The following NCOA1 variants were observed in gnomAD, a reference collection of about 807,000 sequenced individuals.
The protein encoded by NCOA1 is Hin-2 protein.
Under a neutral mutation model 150.9 loss-of-function variants are expected in NCOA1, and 35 were observed. The observed-to-expected ratio is 0.23, with a 90% CI of 0.18 to 0.31. NCOA1 has a LOEUF of 0.31. Among genes scored for constraint, NCOA1 ranks in the 10% least tolerant of loss-of-function variants. The pLI is 1.00. For synonymous variants in NCOA1, 590 were observed against 630.0 expected (o/e 0.94, Z 0.95); for missense variants, 1,491 against 1,749.3 (o/e 0.85, Z 2.63).
intron 3 of NCOA1, among the ~76,000 whole-genome samples, chr2:24,631,919 A>G (rs1669727083): frequency 6.6e-6 from 1 of 152,188 alleles, no homozygotes; most frequent in Non-Finnish European, 1.5e-5. Context: ...GGATTCTTAA[A>G]TTCACGAAAA....
intron 3 of NCOA1, among the ~76,000 whole-genome samples, chr2:24,619,418 A>G (rs757647509): frequency 1.4e-4 from 21 of 152,200 alleles, no homozygotes; most frequent in Admixed American, 6.5e-4. Context: ...AGGAGTGATC[A>G]TTTCTCATTG....
intron 11 of NCOA1, among the ~76,000 whole-genome samples, chr2:24,701,325 G>A (rs762090688): frequency 1.3e-5 from 2 of 151,884 alleles, no homozygotes; most frequent in Admixed American, 6.6e-5. Flanking sequence ...GCAACATGGC[G>A]AAACCTCATC....
intron 8 of NCOA1, among the ~76,000 whole-genome samples, chr2:24,686,946 T>C (rs937595036): frequency 1.3e-5 from 2 of 152,156 alleles, no homozygotes; most frequent in Non-Finnish European, 2.9e-5. Context: ...ACTTTTTTTT[T>C]TCACATCTCA....
intron 2 of NCOA1, among the ~76,000 whole-genome samples, chr2:24,582,287 C>G (rs1266034581): frequency 6.6e-6 from 1 of 151,910 alleles, no homozygotes; most frequent in Non-Finnish European, 1.5e-5. Context: ...AATCAACATA[C>G]AAAAATCAGT....
intron 1 of NCOA1, among the ~76,000 whole-genome samples, chr2:24,557,950 T>G (rs900414605): frequency 4.6e-5 from 7 of 151,718 alleles, no homozygotes; most frequent in African/African-American, 1.7e-4. Flanking sequence ...TTTTGGTGTT[T>G]ATTATGAAGG....
At chr2:24,527,639 T>C (rs1664705964) in intron 1 of NCOA1, among the ~76,000 whole-genome samples, 1 of 152,236 alleles carries the variant, frequency 6.6e-6, no homozygotes, top group South Asian at 2.1e-4. Context: ...AGTGCAGATA[T>C]CTTTACAAGG....
chr2:24,607,963 A>G (rs1668446849), intron 3 of NCOA1, among the ~76,000 whole-genome samples: 1 of 152,048 alleles, frequency 6.6e-6, no homozygotes, highest in Admixed American at 6.5e-5. Flanking sequence ...TTAAGGCTGG[A>G]CAATCTTATA....
intron 14 of NCOA1, among the ~76,000 whole-genome samples, chr2:24,724,458 T>A (rs911520790): frequency 1.3e-5 from 2 of 152,226 alleles, no homozygotes; most frequent in Admixed American, 1.3e-4. Flanking sequence ...TGAAATGACT[T>A]TCAGAATAAA....
At chr2:24,580,350 C>T (rs1201154412) in intron 2 of NCOA1, among the ~76,000 whole-genome samples, 1 of 152,168 alleles carries the variant, frequency 6.6e-6, no homozygotes, top group East Asian at 1.9e-4. Flanking sequence ...TTTCTTCTCT[C>T]CTTGTTGGAT....
chr2:24,746,989 A>G (rs776702517), intron 19 of NCOA1, among the ~76,000 whole-genome samples: 1 of 152,224 alleles, frequency 6.6e-6, no homozygotes, highest in South Asian at 2.1e-4. Context: ...GTCTAAAGTT[A>G]GGAAATCTCA....
chr2:24,765,802 G>A (rs573162524), intron 22 of NCOA1, among the ~76,000 whole-genome samples: 1 of 152,142 alleles, frequency 6.6e-6, no homozygotes, highest in African/African-American at 2.4e-5. Context: ...AGTCCTTTGT[G>A]GACTGGTCTG....
chr2:24,550,295 A>G (rs953452985), intron 1 of NCOA1, among the ~76,000 whole-genome samples: 2 of 152,216 alleles, frequency 1.3e-5, no homozygotes, highest in African/African-American at 2.4e-5. Context: ...CCAACTTACC[A>G]TATTAGTCTA....
chr2:24,562,562 GA>G (rs1249112233), intron 1 of NCOA1, among the ~76,000 whole-genome samples: 1 of 152,090 alleles, frequency 6.6e-6, no homozygotes, highest in Non-Finnish European at 1.5e-5. Flanking sequence ...AAAAGTTTGG[GA>G]AAAAAGGCAG....
intron 3 of NCOA1, among the ~76,000 whole-genome samples, chr2:24,595,082 T>G (rs959762632): frequency 6.6e-6 from 1 of 152,096 alleles, no homozygotes; most frequent in African/African-American, 2.4e-5. Flanking sequence ...ATGGTTTGAT[T>G]GTCACTTATC....
At chr2:24,685,190 A>AT (rs1672346672) in intron 8 of NCOA1, among the ~76,000 whole-genome samples, 1 of 152,032 alleles carries the variant, frequency 6.6e-6, no homozygotes, top group African/African-American at 2.4e-5. Context: ...CCAAGGAGAA[A>AT]TTTTGAAGAA....
At chr2:24,671,898 A>G (rs1183037692) in intron 6 of NCOA1, among the ~76,000 whole-genome samples, 1 of 152,168 alleles carries the variant, frequency 6.6e-6, no homozygotes, top group Non-Finnish European at 1.5e-5. Flanking sequence ...ATTACCTATT[A>G]AAATACTTAC....
At chr2:24,504,052 C>T (rs1455639249) in intron 1 of NCOA1, among the ~76,000 whole-genome samples, 1 of 152,130 alleles carries the variant, frequency 6.6e-6, no homozygotes, top group Non-Finnish European at 1.5e-5. Context: ...TCTGTTTTTA[C>T]ATGTATCCTT....
intron 14 of NCOA1, among the ~76,000 whole-genome samples, chr2:24,719,019 A>G (rs190797662): frequency 8.4e-6 from 1 of 119,354 alleles, no homozygotes; most frequent in Non-Finnish European, 1.6e-5. Context: ...ACAAAGTGAG[A>G]CTCTGTCCCA....
At chr2:24,516,749 C>T (rs1162111264) in intron 1 of NCOA1, among the ~76,000 whole-genome samples, 1 of 149,660 alleles carries the variant, frequency 6.7e-6, no homozygotes, top group Non-Finnish European at 1.5e-5. Flanking sequence ...TCTCTTATAC[C>T]TCTGTTACTC....
Sources: allele counts gnomAD v4.1 joint callset (sites outside exome capture counted in the v4.1 genomes callset), GRCh38; gene constraint gnomAD v4.1.1; transcripts MANE v1.5; gene names NCBI Gene and HGNC (gene_info 2026-07-23, HGNC 2026-07-21).